Variants in FMN1 observed in about 807,000 individuals in gnomAD.
FMN1 encodes the protein formin 1, also known as formin-1.
FMN1 carries 110 observed loss-of-function variants against 132.4 expected under a neutral mutation model. The observed-to-expected ratio is 0.83, with a 90% CI of 0.71 to 0.97. FMN1 has a LOEUF of 0.97. FMN1 is among the 50% of genes least tolerant of loss of function. FMN1 has a pLI of 0.00. For missense variants in FMN1, 1,792 were observed against 1,705.3 expected (o/e 1.05, Z -0.90); for synonymous variants, 722 against 651.7 (o/e 1.11, Z -1.64).
chr15:32,879,905 A>G (rs2059724452), intron 16 of FMN1, among the ~76,000 whole-genome samples: 1 of 152,144 alleles, frequency 6.6e-6, no homozygotes, highest in African/African-American at 2.4e-5. Flanking sequence ...AGTTTAAAGA[A>G]TCAGTACATT....
chr15:32,861,774 G>A (rs1479074993), intron 16 of FMN1, among the ~76,000 whole-genome samples: 1 of 152,154 alleles, frequency 6.6e-6, no homozygotes, highest in African/African-American at 2.4e-5. Flanking sequence ...TTTCATTCCC[G>A]TGCTGAAGTT....
At chr15:32,824,866 C>T (rs2058324727) in intron 17 of FMN1, among the ~76,000 whole-genome samples, 1 of 152,220 alleles carries the variant, frequency 6.6e-6, no homozygotes, top group African/African-American at 2.4e-5. Flanking sequence ...ATTTGCATTT[C>T]CCCTGCTCTG....
intron 16 of FMN1, 72 bp from the exon 17 acceptor site, chr15:32,857,179 T>C (rs986687439): frequency 2.0e-5 from 23 of 1,142,978 alleles, no homozygotes; most frequent in Non-Finnish European, 3.0e-5. Context: ...CCAGGTACTG[T>C]GCTATGCACT....
chr15:33,130,038 G>GGTGATCCACCTC (rs1161862122), intron 4 of FMN1, among the ~76,000 whole-genome samples: 1 of 151,984 alleles, frequency 6.6e-6, no homozygotes, highest in South Asian at 2.1e-4. Flanking sequence ...CACCTGCCTT[G>GGTGATCCACCTC]GTGATCCACC....
rs142006627 is a variant in FMN1, at chr15:33,153,959, C to T, written c.956G>A (p.Arg319Gln). 6,194 of 1,536,768 alleles carry T rather than the reference C, an allele frequency of 4.0e-3. 17 individuals are homozygous for T. The highest frequency in any genetic ancestry group is 9.5e-3 in the Admixed American group (482 of 51,002). Residue 319 changes from arginine to glutamine, a missense_variant, in exon 4 of 21, where the codon CGG becomes CAG. Physicochemically the swap from Arg to Gln is conservative, Grantham distance 43 (BLOSUM62 1). Transcript: ENST00000616417. ...EKDEMEKPAK[R>Q]TCKQKPVSKV... ...GGAGACAGGTTTCTGCTTGCAAGTC[C>T]GCTTAGCCGGCTTCTCCATCTCATC...
intron 6 of FMN1, among the ~76,000 whole-genome samples, chr15:33,024,316 G>A (rs374257928): frequency 1.5e-5 from 2 of 136,204 alleles, no homozygotes; most frequent in African/African-American, 2.8e-5. Context: ...ACGTGATCTC[G>A]GCTCACTGCA....
chr15:32,883,509 C>CAAAAAAAAAAA lies in FMN1; in HGVS notation c.3835+4652_3835+4662dup. Among the ~76,000 whole-genome samples, 43 of 25,920 alleles carry CAAAAAAAAAAA rather than the reference C, an allele frequency of 1.7e-3. 4 individuals are homozygous for CAAAAAAAAAAA. Among genetic ancestry groups the CAAAAAAAAAAA allele is most frequent in the South Asian group, 8.4e-3 (3 of 356 alleles). 17.0% of individuals were successfully genotyped at this position (25,920 alleles called of 152,430 possible). On this transcript the variant is annotated intron_variant, in intron 16 of 20. Transcript: ENST00000616417. ...TGGGCAATAGAGCAAGAACCTATCT[C>CAAAAAAAAAAA]AAAAAAAAAAAAAAAAAAAAAAAAA...
chr15:33,126,483 G>A (rs1963083713), intron 4 of FMN1, among the ~76,000 whole-genome samples: 1 of 152,148 alleles, frequency 6.6e-6, no homozygotes, highest in African/African-American at 2.4e-5. Context: ...ATTTTTTCAA[G>A]ACAGACCAAC....
intron 16 of FMN1, among the ~76,000 whole-genome samples, chr15:32,865,512 A>G (rs1051379899): frequency 1.3e-5 from 2 of 152,200 alleles, no homozygotes; most frequent in African/African-American, 2.4e-5. Flanking sequence ...ATATTAGTCA[A>G]TCTTCAAAAA....
intron 9 of FMN1, among the ~76,000 whole-genome samples, chr15:32,957,558 C>A (rs1444163236): frequency 2.6e-5 from 4 of 151,872 alleles, no homozygotes; most frequent in East Asian, 3.9e-4. Flanking sequence ...CCATGAATAT[C>A]AACAAACAAG....
At chr15:33,140,594 G>A (rs924947557) in intron 4 of FMN1, among the ~76,000 whole-genome samples, 1 of 152,160 alleles carries the variant, frequency 6.6e-6, no homozygotes, top group African/African-American at 2.4e-5. Context: ...AGACTCACAT[G>A]TAAACAAATA....
chr15:32,843,503 T>C (rs2058791043), intron 17 of FMN1, among the ~76,000 whole-genome samples: 1 of 152,224 alleles, frequency 6.6e-6, no homozygotes, highest in Non-Finnish European at 1.5e-5. Context: ...GAGAATATAT[T>C]AAAGAGAGAA....
In FMN1 at chr15:32,982,058, C is replaced by T. The variant is rs895077181; in HGVS notation, c.2224-12581G>A. On this transcript the variant is annotated intron_variant, in intron 7 of 20. Coordinates refer to ENST00000616417, the MANE Select transcript of FMN1 (RefSeq NM_001277313.2). ...AATAAGGAAAAAAAAATTCCCTCCA[C>T]GCTCCAAAAATAGGTAAAAGATCTG... is the stretch of plus-strand genomic sequence containing the variant. 9.9e-5 allele frequency among the ~76,000 whole-genome samples: 15 copies of T among 152,088 alleles called. 1 individual carries two copies. The highest frequency in any genetic ancestry group is 4.1e-4 in the South Asian group (2 of 4,822).
intron 16 of FMN1, among the ~76,000 whole-genome samples, chr15:32,878,864 C>A (rs528959499): frequency 6.6e-6 from 1 of 152,118 alleles, no homozygotes; most frequent in Non-Finnish European, 1.5e-5. Flanking sequence ...CTATTAACCA[C>A]GTGTTTTTAT....
chr15:33,104,940 T>A (rs1223507725), intron 4 of FMN1, among the ~76,000 whole-genome samples: 1 of 152,114 alleles, frequency 6.6e-6, no homozygotes, highest in Non-Finnish European at 1.5e-5. Flanking sequence ...TGGTGATTTC[T>A]GTGATAAGCA....
At chr15:33,029,263 G>GAA (rs71424685) in intron 6 of FMN1, among the ~76,000 whole-genome samples, 3 of 149,516 alleles carry the variant, frequency 2.0e-5, no homozygotes, top group South Asian at 4.2e-4. Context: ...AACACACAAG[G>GAA]AAAAAAAAAA....
At chr15:33,106,736 GC>G (rs2039502735) in intron 4 of FMN1, among the ~76,000 whole-genome samples, 1 of 152,156 alleles carries the variant, frequency 6.6e-6, no homozygotes, top group South Asian at 2.1e-4. Flanking sequence ...AGGATGTTCA[GC>G]AGCATCCCTT....
chr15:33,031,302 A>C (rs906111656), intron 6 of FMN1, among the ~76,000 whole-genome samples: 1 of 152,194 alleles, frequency 6.6e-6, no homozygotes, highest in Non-Finnish European at 1.5e-5. Flanking sequence ...GCTTTCTACC[A>C]TCAGGAGGAG....
intron 17 of FMN1, chr15:32,837,196 G>T: frequency 4.3e-6 from 1 of 232,638 alleles, no homozygotes; most frequent in South Asian, 7.8e-5. Context: ...ATCCAGGACG[G>T]GAAGCTGCTT....
Sources: gnomAD v4.1 joint callset for allele counts (sites outside exome capture counted in the v4.1 genomes callset) on GRCh38, gnomAD v4.1.1 for gene constraint, MANE v1.5 for transcripts, NCBI Gene and HGNC (gene_info 2026-07-23, HGNC 2026-07-21) for gene names.